COMMD10: variants seen among roughly 807,000 people sequenced by gnomAD.
The protein encoded by COMMD10 is COMM domain-containing protein 10.
A neutral mutation model predicts 28.9 loss-of-function variants in COMMD10; 33 were observed. That is an observed-to-expected ratio of 1.14 (90% CI 0.87 to 1.53). The LOEUF is 1.53. Among genes scored for constraint, COMMD10 ranks in the 40% most tolerant of loss-of-function variants. The pLI is 0.00. For missense variants in COMMD10, 310 were observed against 233.4 expected (o/e 1.33, Z -2.14); for synonymous variants, 110 against 81.7 (o/e 1.35, Z -1.87).
intron 2 of COMMD10, among the ~76,000 whole-genome samples, chr5:116,089,514 G>A (rs1750229110): frequency 6.6e-6 from 1 of 152,212 alleles, no homozygotes; most frequent in African/African-American, 2.4e-5. Context: ...CATGTCTTTT[G>A]TTCTTCACAC....
rs192773475 is a variant in COMMD10 at position 116,249,973 on chromosome 5, G to A, written c.511-41544G>A. ...GGTATGTTTATCATAAAGTTAATAT[G>A]TTTCCAGATTGTTCAAGTTTTATAT... On this transcript the variant is annotated intron_variant, in intron 5 of 6. Coordinates refer to ENST00000274458, the MANE Select transcript of COMMD10 (RefSeq NM_016144.4). 2.0e-5 allele frequency among the ~76,000 whole-genome samples: 3 copies of A among 151,862 alleles called. No homozygotes were observed. The East Asian group carries it at 5.8e-4, about 29-fold the overall frequency.
chr5:116,124,201 C>T (rs1316875174), intron 4 of COMMD10, among the ~76,000 whole-genome samples: 1 of 152,086 alleles, frequency 6.6e-6, no homozygotes, highest in Non-Finnish European at 1.5e-5. Flanking sequence ...CTCTTGTGGG[C>T]ATTTAGTGCT....
At chr5:116,210,421 A>G (rs1282410742) in intron 5 of COMMD10, among the ~76,000 whole-genome samples, 1 of 151,980 alleles carries the variant, frequency 6.6e-6, no homozygotes, top group Admixed American at 6.6e-5. Flanking sequence ...GAAGATAATT[A>G]TATTTTAAAA....
Position 116,292,749 on chromosome 5 carries a change from C to G in COMMD10, c.*260C>G, listed in dbSNP as rs1025209018. Reference sequence around the variant, plus strand: ...CTTTAAAGGAAACAAAAGTGAATACCATATTGTTTTTACTGTCATAGTGTT... The same window carrying G: ...CTTTAAAGGAAACAAAAGTGAATACGATATTGTTTTTACTGTCATAGTGTT... On this transcript the variant is annotated 3_prime_UTR_variant, in exon 7 of 7. Transcript: ENST00000274458. 2 of 412,404 alleles carry G rather than the reference C, an allele frequency of 4.8e-6. No homozygotes were observed. Among genetic ancestry groups the G allele is most frequent in the Non-Finnish European group, 8.6e-6 (2 of 233,908 alleles). The allele number at this position is 412,404 out of a possible 1,614,324, so 25.5% of individuals were successfully genotyped here. A position where few individuals can be genotyped will look rare whatever the true frequency, so the allele number is the denominator to read the frequency against.
At chr5:116,284,490 A>C (rs1751166750) in intron 5 of COMMD10, among the ~76,000 whole-genome samples, 1 of 151,942 alleles carries the variant, frequency 6.6e-6, no homozygotes, top group South Asian at 2.1e-4. Context: ...CTTCTTATTC[A>C]GTATGACATA....
intron 5 of COMMD10, among the ~76,000 whole-genome samples, chr5:116,287,589 T>C (rs1669725235): frequency 6.6e-6 from 1 of 151,796 alleles, no homozygotes; most frequent in Non-Finnish European, 1.5e-5. Flanking sequence ...TAATTACCGA[T>C]AGGCAAGGAC....
At chr5:116,126,600 C>T (rs1014393210) in intron 4 of COMMD10, among the ~76,000 whole-genome samples, 1 of 149,440 alleles carries the variant, frequency 6.7e-6, no homozygotes, top group Admixed American at 6.6e-5. Context: ...GAACAGAGTA[C>T]AGCCCTTGGA....
At chr5:116,242,526 T>C (rs1160070990) in intron 5 of COMMD10, among the ~76,000 whole-genome samples, 1 of 152,154 alleles carries the variant, frequency 6.6e-6, no homozygotes, top group Non-Finnish European at 1.5e-5. Flanking sequence ...TAGATTGAGT[T>C]TTTTCTCAAG....
At chr5:116,092,742 T>C (rs6894046) in intron 4 of COMMD10, 42 bp downstream of exon 4, 1 of 1,385,040 alleles carries the variant, frequency 7.2e-7, no homozygotes, top group Admixed American at 2.4e-5. Flanking sequence ...CAATAACATA[T>C]GGCATAAATT....
Position 116,292,626 on chromosome 5 carries a change from C to T in COMMD10, c.*137C>T, listed in dbSNP as rs921941708. ...ATTATATGGCTTATCACTTCTTAGACAAATAACAACCAATAGAGATCATTG... is the reference window on the plus strand; with the variant it reads ...ATTATATGGCTTATCACTTCTTAGATAAATAACAACCAATAGAGATCATTG... On this transcript the variant is annotated 3_prime_UTR_variant, in exon 7 of 7. Coordinates refer to ENST00000274458, the MANE Select transcript of COMMD10 (RefSeq NM_016144.4). 1.8e-6 allele frequency: 1 copy of T among 571,050 alleles called. No homozygotes were observed. Among genetic ancestry groups the T allele is most frequent in the Admixed American group, 3.1e-5 (1 of 32,434 alleles). The allele number at this position is 571,050 out of a possible 1,614,324, so 35.4% of individuals were successfully genotyped here.
intron 5 of COMMD10, among the ~76,000 whole-genome samples, chr5:116,198,246 G>C (rs760634943): frequency 6.6e-6 from 1 of 152,080 alleles, no homozygotes; most frequent in Non-Finnish European, 1.5e-5. Context: ...ACCTTTAGCA[G>C]CCAGTCTCTT....
In COMMD10 at chr5:116,267,504, A is replaced by G. The variant is rs896022154; in HGVS notation, c.511-24013A>G. Among the ~76,000 whole-genome samples, 24 of 151,878 alleles carry G rather than the reference A, an allele frequency of 1.6e-4. 2 individuals are homozygous for G. Among genetic ancestry groups the G allele is most frequent in the African/African-American group, 3.9e-4 (16 of 41,166 alleles). ...TTCATGGATAGGAAGAATCAATATC[A>G]TGAAAATGGCCATACTGCCCAAGGT... On this transcript the variant is annotated intron_variant, in intron 5 of 6. Transcript: ENST00000274458.
chr5:116,185,125 C>T (rs890575135), intron 5 of COMMD10, among the ~76,000 whole-genome samples: 9 of 152,242 alleles, frequency 5.9e-5, no homozygotes, highest in East Asian at 3.9e-4. Context: ...ACAAGTTCCT[C>T]GTTATTTCTT....
chr5:116,245,003 T>C (rs781633139), intron 5 of COMMD10, among the ~76,000 whole-genome samples: 30 of 150,296 alleles, frequency 2.0e-4, no homozygotes, highest in Non-Finnish European at 3.6e-4. Context: ...TTGAAGGAGA[T>C]TGAGATAAGA....
chr5:116,228,095 C>G lies in COMMD10; in HGVS notation c.511-63422C>G, dbSNP rs186701027. ...GCAGCAGTGAATGTGAATACAGTTACTATGATTCTTAAGGTATTCACTTTG... is the reference window on the plus strand; with the variant it reads ...GCAGCAGTGAATGTGAATACAGTTAGTATGATTCTTAAGGTATTCACTTTG... On this transcript the variant is annotated intron_variant, in intron 5 of 6. Transcript: ENST00000274458. 2.6e-4 allele frequency among the ~76,000 whole-genome samples: 40 copies of G among 152,056 alleles called. 1 individual carries two copies. In the East Asian group the frequency reaches 7.7e-3, roughly 29 times the overall value.
intron 5 of COMMD10, among the ~76,000 whole-genome samples, chr5:116,264,805 G>A (rs979089384): frequency 5.3e-5 from 8 of 151,812 alleles, no homozygotes; most frequent in African/African-American, 1.7e-4. Flanking sequence ...TAAATGCAAA[G>A]TACGGTCAGT....
At chr5:116,154,513 T>C (rs947638241) in intron 5 of COMMD10, among the ~76,000 whole-genome samples, 7 of 152,150 alleles carry the variant, frequency 4.6e-5, no homozygotes, top group Non-Finnish European at 5.9e-5. Context: ...TGGGTTCTTT[T>C]CATTTTCAGT....
At chr5:116,275,035 A>G (rs543457129) in intron 5 of COMMD10, among the ~76,000 whole-genome samples, 1 of 151,768 alleles carries the variant, frequency 6.6e-6, no homozygotes, top group Non-Finnish European at 1.5e-5. Flanking sequence ...GAAATTCCCA[A>G]CCTCTATTTC....
chr5:116,146,922 A>G (rs1161324180), intron 5 of COMMD10, among the ~76,000 whole-genome samples: 1 of 151,814 alleles, frequency 6.6e-6, no homozygotes, highest in Non-Finnish European at 1.5e-5. Context: ...TGTCCTTAAT[A>G]CTTATGATCC....
Sources: allele counts gnomAD v4.1 joint callset (sites outside exome capture counted in the v4.1 genomes callset), GRCh38; gene constraint gnomAD v4.1.1; transcripts MANE v1.5; gene names NCBI Gene and HGNC (gene_info 2026-07-23, HGNC 2026-07-21).